Variants in TPRG1 observed in about 807,000 individuals in gnomAD.
TPRG1 encodes the protein tumor protein p63 regulated 1.
TPRG1 carries 29 observed loss-of-function variants against 29.3 expected under a neutral mutation model. That is an observed-to-expected ratio of 0.99 (90% CI 0.74 to 1.35). The LOEUF (loss-of-function observed/expected upper bound fraction) is 1.35, where lower values mean the gene tolerates loss of function less well. TPRG1 is among the 40% of genes most tolerant of loss of function. TPRG1 has a pLI of 0.00. For synonymous variants in TPRG1, 130 were observed against 116.8 expected, an observed-to-expected ratio of 1.11 and a Z score of -0.73; for missense variants, 327 against 335.0, an observed-to-expected ratio of 0.98 and a Z score of 0.19.
At chr3:189,054,759 G>A (rs949411217) in intron 4 of TPRG1, among the ~76,000 whole-genome samples, 2 of 152,018 alleles carry the variant, frequency 1.3e-5, no homozygotes. Flanking sequence ...CAGCCTGGGT[G>A]ACAGAGTGAA....
intron 4 of TPRG1, among the ~76,000 whole-genome samples, chr3:189,048,832 G>T (rs1447102333): frequency 6.6e-6 from 1 of 152,170 alleles, no homozygotes; most frequent in Non-Finnish European, 1.5e-5. Flanking sequence ...AACTGCAGAA[G>T]AGCGAAAGGG....
intron 5 of TPRG1, among the ~76,000 whole-genome samples, chr3:189,312,007 ACACATTAATGCATTGTTCCATAATCTT>A (rs1206784933): frequency 6.6e-6 from 1 of 152,102 alleles, no homozygotes; most frequent in East Asian, 1.9e-4. Context: ...ATTAATAATA[ACACATTAATGCATTGTTCCATAATCTT>A]CAAACTCTGT....
At chr3:189,042,996 A>G (rs561747760) in intron 4 of TPRG1, among the ~76,000 whole-genome samples, 72 of 152,270 alleles carry the variant, frequency 4.7e-4, no homozygotes, top group Middle Eastern at 3.4e-3. Flanking sequence ...ACCAGAGACA[A>G]TGACCACACT....
At chr3:188,997,609 G>A (rs923343091) in intron 1 of TPRG1, among the ~76,000 whole-genome samples, 1 of 152,170 alleles carries the variant, frequency 6.6e-6, no homozygotes, top group Non-Finnish European at 1.5e-5. Context: ...AAACTGAGAT[G>A]AGTTGGTCAC....
At chr3:189,055,025 G>A (rs750071798) in intron 4 of TPRG1, among the ~76,000 whole-genome samples, 3 of 152,160 alleles carry the variant, frequency 2.0e-5, no homozygotes, top group Non-Finnish European at 1.5e-5. Context: ...TGAGGTATGT[G>A]TGTACAGTTT....
At chr3:189,028,881 C>T (rs113890562) in intron 4 of TPRG1, among the ~76,000 whole-genome samples, 1 of 152,186 alleles carries the variant, frequency 6.6e-6, no homozygotes, top group African/African-American at 2.4e-5. Context: ...AAATGTATGA[C>T]TACAGAGCAG....
chr3:189,141,005 T>A (rs911773208), intron 3 of TPRG1, among the ~76,000 whole-genome samples: 2 of 152,196 alleles, frequency 1.3e-5, no homozygotes, highest in Non-Finnish European at 2.9e-5. Context: ...AGCTCAAAAG[T>A]GGACCTATTT....
intron 2 of TPRG1, among the ~76,000 whole-genome samples, chr3:189,127,453 C>T (rs1276765842): frequency 6.6e-6 from 1 of 152,182 alleles, no homozygotes; most frequent in Non-Finnish European, 1.5e-5. Context: ...GTATCTGCCA[C>T]AGTGTATATT....
At chr3:189,139,914 G>A (rs187009163) in intron 3 of TPRG1, among the ~76,000 whole-genome samples, 4 of 152,190 alleles carry the variant, frequency 2.6e-5, no homozygotes, top group South Asian at 2.1e-4. Flanking sequence ...TTGTCAATCC[G>A]TGCAGAGCAG....
chr3:189,045,594 T>C (rs1418407348), intron 4 of TPRG1, among the ~76,000 whole-genome samples: 5 of 152,254 alleles, frequency 3.3e-5, no homozygotes, highest in Non-Finnish European at 7.3e-5. Flanking sequence ...GTGCAAAATA[T>C]CTGTACAGTG....
intron 4 of TPRG1, among the ~76,000 whole-genome samples, chr3:189,259,971 G>A (rs1392763584): frequency 2.0e-5 from 3 of 152,128 alleles, no homozygotes; most frequent in Admixed American, 1.3e-4. Flanking sequence ...TGGTCACTAA[G>A]CCCCATTTCT....
At chr3:189,173,053 TAC>T (rs2108666206) in intron 1 of TPRG1, among the ~76,000 whole-genome samples, 1 of 152,378 alleles carries the variant, frequency 6.6e-6, no homozygotes, top group South Asian at 2.1e-4. Flanking sequence ...CTCATTGTTC[TAC>T]AGTTTTAAGG....
intron 1 of TPRG1, among the ~76,000 whole-genome samples, chr3:189,186,994 T>TG (rs1200281176): frequency 1.7e-5 from 2 of 119,276 alleles, no homozygotes; most frequent in Non-Finnish European, 3.5e-5. Context: ...TGTTTTTTTT[T>TG]TTTTTTTTTT....
chr3:189,318,903 A>C (rs557103489), intron 5 of TPRG1, among the ~76,000 whole-genome samples: 8 of 152,346 alleles, frequency 5.3e-5, no homozygotes, highest in Non-Finnish European at 1.2e-4. Flanking sequence ...TTTTCTAAAA[A>C]TTAGAATTTT....
upstream of TPRG1, among the ~76,000 whole-genome samples, chr3:189,098,860 A>G (rs1718874286): frequency 6.6e-6 from 1 of 152,186 alleles, no homozygotes; most frequent in South Asian, 2.1e-4. Flanking sequence ...AAAAAAATTA[A>G]TGAAACAACA....
chr3:189,215,215 T>C (rs1194295993), intron 2 of TPRG1, 77 bp from the exon 3 acceptor site: 2 of 1,209,102 alleles, frequency 1.7e-6, no homozygotes, highest in Non-Finnish European at 2.3e-6. Flanking sequence ...GAGGAGCTGC[T>C]GGAATATACT....
In TPRG1 at chr3:189,310,423, C is replaced by A; in HGVS notation, c.517C>A (p.Pro173Thr). 1 of 1,610,682 alleles carries A rather than the reference C, an allele frequency of 6.2e-7. No individual in the cohort carries two copies. The highest frequency in any genetic ancestry group is 8.5e-7 in the Non-Finnish European group (1 of 1,178,200). Residue 173 changes from proline (P) to threonine (T), a missense_variant, in exon 5 of 6, where the codon CCG (proline) becomes ACG (threonine). Transcript: ENST00000345063. ...AGGCCTTAGGATCTACTGGGGGAGTCCGGAGGAGCAGTCTCTTCTGTCCCG... is the reference window on the plus strand; with the variant it reads ...AGGCCTTAGGATCTACTGGGGGAGTACGGAGGAGCAGTCTCTTCTGTCCCG... ...GEGLRIYWGS[P>T]EEQSLLSRWN...
intron 4 of TPRG1, among the ~76,000 whole-genome samples, chr3:189,045,206 T>G (rs771931536): frequency 6.6e-6 from 1 of 152,208 alleles, no homozygotes; most frequent in East Asian, 1.9e-4. Flanking sequence ...ATTTCAGTTT[T>G]AAGAACACCA....
At chr3:189,237,948 G>A (rs564607921) in intron 3 of TPRG1, among the ~76,000 whole-genome samples, 10 of 152,242 alleles carry the variant, frequency 6.6e-5, no homozygotes, top group South Asian at 2.1e-4. Flanking sequence ...AAGTGCTGTC[G>A]GTCTGGGGAA....
Sources: gnomAD v4.1 joint callset for allele counts (sites outside exome capture counted in the v4.1 genomes callset) on GRCh38, gnomAD v4.1.1 for gene constraint, MANE v1.5 for transcripts, NCBI Gene and HGNC (gene_info 2026-07-23, HGNC 2026-07-21) for gene names.